The following ATF1 variants were observed in gnomAD, a reference collection of about 807,000 sequenced individuals.
ATF1 encodes the protein cyclic AMP-dependent transcription factor ATF-1.
ATF1 carries 16 observed loss-of-function variants against 34.7 expected under a neutral mutation model. The observed-to-expected ratio is 0.46, with a 90% confidence interval of 0.31 to 0.70. The LOEUF is 0.70. Ranked by LOEUF, ATF1 falls within the 30% of genes least tolerant of loss-of-function variation. The pLI, the probability that ATF1 is intolerant of heterozygous loss-of-function variation, is 0.05. For missense variants in ATF1, 255 were observed against 321.6 expected (o/e 0.79, Z 1.58); for synonymous variants, 105 against 113.1 (o/e 0.93, Z 0.46).
intron 2 of ATF1, among the ~76,000 whole-genome samples, chr12:50,787,618 T>C (rs1434370149): frequency 6.6e-6 from 1 of 151,708 alleles, no homozygotes; most frequent in Non-Finnish European, 1.5e-5. Flanking sequence ...GTGCACACCC[T>C]GTGGTCCCAG....
chr12:50,779,789 T>A (rs1941014479), intron 1 of ATF1, among the ~76,000 whole-genome samples: 1 of 152,138 alleles, frequency 6.6e-6, no homozygotes, highest in African/African-American at 2.4e-5. Context: ...CTCAGTAAAT[T>A]CTCTATATAA....
At chr12:50,765,621 T>A (rs1304750857) in intron 1 of ATF1, among the ~76,000 whole-genome samples, 1 of 152,222 alleles carries the variant, frequency 6.6e-6, no homozygotes, top group East Asian at 1.9e-4. Flanking sequence ...TGAAACCTAC[T>A]GGGCTGCATT....
chr12:50,784,247 C>G (rs1273452163), intron 2 of ATF1, among the ~76,000 whole-genome samples: 3 of 152,108 alleles, frequency 2.0e-5, no homozygotes, highest in African/African-American at 7.2e-5. Context: ...GAACAAAATT[C>G]TCAGCTTTCA....
intron 2 of ATF1, among the ~76,000 whole-genome samples, chr12:50,784,740 A>G (rs1319587720): frequency 6.6e-6 from 1 of 152,188 alleles, no homozygotes; most frequent in Non-Finnish European, 1.5e-5. Flanking sequence ...AAGGCATTAC[A>G]GTAATGTACA....
chr12:50,768,822 A>C (rs1228326900), intron 1 of ATF1, among the ~76,000 whole-genome samples: 1 of 152,206 alleles, frequency 6.6e-6, no homozygotes, highest in Non-Finnish European at 1.5e-5. Context: ...AGTTTGTTAA[A>C]TGATTTGAGG....
In ATF1 at chr12:50,809,441, TG is replaced by T. The variant is rs750679132; in HGVS notation, c.195-13del. 7.5e-6 allele frequency: 11 copies of T among 1,468,228 alleles called. No homozygotes were observed. Among genetic ancestry groups the T allele is most frequent in the African/African-American group, 7.0e-5 (3 of 42,768 alleles). 91.0% of individuals were successfully genotyped at this position (1,468,228 alleles called of 1,614,324 possible). A position where few individuals can be genotyped will look rare whatever the true frequency, so the allele number is the denominator to read the frequency against. On this transcript the variant is annotated splice_polypyrimidine_tract_variant and intron_variant, in intron 3 of 6. Coordinates refer to ENST00000262053, the MANE Select transcript of ATF1 (RefSeq NM_005171.5). ...ACATTACCAATGTTTAATAGAGTTCTGGTTTTTTTTACAGAAAAATTTTGAA... is the reference window on the plus strand; with the variant it reads ...ACATTACCAATGTTTAATAGAGTTCTGTTTTTTTTACAGAAAAATTTTGAA...
At position 50,769,971 on chromosome 12, in the gene ATF1, T is replaced by C. The variant is rs943034199; in HGVS notation, c.-7+5664T>C. Among the ~76,000 whole-genome samples, 7 of 152,348 alleles carry C rather than the reference T, an allele frequency of 4.6e-5. No homozygotes were observed. The East Asian group carries it at 7.7e-4, about 17-fold the overall frequency. On this transcript the variant is annotated intron_variant, in intron 1 of 6. Coordinates refer to ENST00000262053, the MANE Select transcript of ATF1 (RefSeq NM_005171.5). ...GAGTTAATTGAATCAACTGAACCAA[T>C]AGAAAACTGAAGTAATCTTTGATTA...
At chr12:50,789,965 C>G (rs1941267032) in intron 2 of ATF1, among the ~76,000 whole-genome samples, 1 of 152,096 alleles carries the variant, frequency 6.6e-6, no homozygotes, top group Admixed American at 6.6e-5. Flanking sequence ...AATCTGGTGC[C>G]TATTTTCCTT....
intron 1 of ATF1, among the ~76,000 whole-genome samples, chr12:50,766,541 A>G (rs1341711711): frequency 6.6e-6 from 1 of 151,006 alleles, no homozygotes. Flanking sequence ...GTTTTAGGGT[A>G]CATGTGCACA....
At chr12:50,781,422 C>A (rs987196338) in intron 2 of ATF1, among the ~76,000 whole-genome samples, 2 of 151,992 alleles carry the variant, frequency 1.3e-5, no homozygotes, top group African/African-American at 4.8e-5. Context: ...AATAAAGAGG[C>A]CTAACTGTAT....
At chr12:50,780,302 G>A (rs537986294) in intron 2 of ATF1, 64 bp downstream of exon 2, 34 of 1,336,492 alleles carry the variant, frequency 2.5e-5, no homozygotes, top group South Asian at 6.4e-5. Flanking sequence ...GATTAATCTC[G>A]TTTCAGACTG....
chr12:50,764,522 G>A (rs914112486), intron 1 of ATF1: 3 of 152,230 alleles, frequency 2.0e-5, no homozygotes, highest in East Asian at 1.9e-4. Flanking sequence ...TTCCAGTCGT[G>A]CGTCTCCTCC....
At chr12:50,764,870 C>G (rs1015208069) in intron 1 of ATF1, among the ~76,000 whole-genome samples, 3 of 152,254 alleles carry the variant, frequency 2.0e-5, no homozygotes, top group Admixed American at 1.3e-4. Flanking sequence ...TGGAGAGATG[C>G]GCCTGGCAGC....
At chr12:50,771,292 A>G (rs929432670) in intron 1 of ATF1, among the ~76,000 whole-genome samples, 1 of 152,224 alleles carries the variant, frequency 6.6e-6, no homozygotes, top group Non-Finnish European at 1.5e-5. Context: ...GGTGTGAGCC[A>G]CTGTACCCAG....
intron 3 of ATF1, chr12:50,806,279 G>C (rs940730991): frequency 3.7e-6 from 1 of 271,756 alleles, no homozygotes; most frequent in African/African-American, 2.1e-5. Flanking sequence ...CTCTCCATTG[G>C]CCCATACGCA....
In ATF1 at chr12:50,820,826, T is replaced by C. The variant is rs1419598239; in HGVS notation, c.*1047T>C. On this transcript the variant is annotated 3_prime_UTR_variant, in exon 7 of 7. Transcript: ENST00000262053. ...TGCCAATATATTTTTATAGCTGATC[T>C]TTATAAATTCTAATGTTGAGTTTTT... The C allele has an allele frequency of 5.6e-6, 1 of 179,602 alleles. No individual in the cohort carries two copies. Among genetic ancestry groups the C allele is most frequent in the Admixed American group, 6.3e-5 (1 of 15,876 alleles). 11.1% of individuals were successfully genotyped at this position (179,602 alleles called of 1,614,324 possible). A position where few individuals can be genotyped will look rare whatever the true frequency, so the allele number is the denominator to read the frequency against.
intron 3 of ATF1, among the ~76,000 whole-genome samples, chr12:50,797,512 C>G (rs1941431290): frequency 6.6e-6 from 1 of 152,052 alleles, no homozygotes; most frequent in Non-Finnish European, 1.5e-5. Flanking sequence ...GAGGTCTCAC[C>G]CTGTTGCCTG....
At chr12:50,782,499 C>T (rs1941087927) in intron 2 of ATF1, among the ~76,000 whole-genome samples, 1 of 151,790 alleles carries the variant, frequency 6.6e-6, no homozygotes, top group Admixed American at 6.6e-5. Flanking sequence ...TCGTGATCCA[C>T]CCGCCTCAGC....
intron 3 of ATF1, among the ~76,000 whole-genome samples, chr12:50,805,470 A>C (rs750391377): frequency 6.7e-5 from 10 of 149,878 alleles, no homozygotes; most frequent in Non-Finnish European, 4.4e-5. Context: ...AGGTGGGAGG[A>C]TCACTTGAGC....
Sources: allele counts gnomAD v4.1 joint callset (sites outside exome capture counted in the v4.1 genomes callset), GRCh38; gene constraint gnomAD v4.1.1; transcripts MANE v1.5; gene names NCBI Gene and HGNC (gene_info 2026-07-23, HGNC 2026-07-21).